PCDHGA1: variants seen among roughly 807,000 people sequenced by gnomAD.
The protein encoded by PCDHGA1 is protocadherin gamma subfamily A, 1, also known as protocadherin gamma-A1.
Under a neutral mutation model 58.0 loss-of-function variants are expected in PCDHGA1, and 32 were observed. The observed-to-expected ratio is 0.55, with a 90% confidence interval of 0.42 to 0.74. PCDHGA1 has a LOEUF of 0.74. Ranked by LOEUF, PCDHGA1 falls within the 30% of genes least tolerant of loss-of-function variation. PCDHGA1 has a pLI of 0.00. For synonymous variants in PCDHGA1, 498 were observed against 501.1 expected, an observed-to-expected ratio of 0.99 and a Z score of 0.08; for missense variants, 1,205 against 1,182.3, an observed-to-expected ratio of 1.02 and a Z score of -0.28.
At position 141,477,529 on chromosome 5, in the gene PCDHGA1, C is replaced by G; in HGVS notation, c.2422-17278C>G. ...ACGTTTACATTGAAGAAAACAACCT[C>G]CCCGGGGCTCCAATACTAAACCTAA... On this transcript the variant is annotated intron_variant, in intron 1 of 3. Transcript: ENST00000517417. The surrounding 1 kb of genome is among the most constrained non-coding windows in gnomAD (Gnocchi z 4.9). 6.2e-7 allele frequency: 1 copy of G among 1,614,172 alleles called. No homozygotes were observed. The highest frequency in any genetic ancestry group is 8.5e-7 in the Non-Finnish European group (1 of 1,180,032).
chr5:141,427,458 A>T (rs2097029342), intron 1 of PCDHGA1: 1 of 494,398 alleles, frequency 2.0e-6, no homozygotes, highest in African/African-American at 1.9e-5. Context: ...TCCTTTTAGA[A>T]TCGAATCTTC....
chr5:141,487,256 G>A lies in PCDHGA1; in HGVS notation c.2422-7551G>A. ...ATCTCGTCTAACCCTCTACTTGGCTGTGTCCCTAGTGGCAATTTGCTTTGT... is the reference window on the plus strand; with the variant it reads ...ATCTCGTCTAACCCTCTACTTGGCTATGTCCCTAGTGGCAATTTGCTTTGT... On this transcript the variant is annotated intron_variant, in intron 1 of 3. Transcript: ENST00000517417. The surrounding 1 kb of genome is among the most constrained non-coding windows in gnomAD (Gnocchi z 5.0). The A allele has an allele frequency of 6.2e-7, 1 of 1,614,166 alleles. No individual in the cohort carries two copies. The highest frequency in any genetic ancestry group is 8.5e-7 in the Non-Finnish European group (1 of 1,180,032).
chr5:141,493,440 G>A lies in PCDHGA1; in HGVS notation c.2422-1367G>A, dbSNP rs2099748297. The stretch of plus-strand genomic sequence containing the variant: ...TTTTGCTTCTGCTGGGATGGGGCAA[G>A]GGTGGGGTTCCTTCCCTTTTAGGAC... On this transcript the variant is annotated intron_variant, in intron 1 of 3. Coordinates refer to ENST00000517417, the MANE Select transcript of PCDHGA1 (RefSeq NM_018912.3). The surrounding 1 kb of genome is among the most constrained non-coding windows in gnomAD (Gnocchi z 4.3). Among the ~76,000 whole-genome samples, 1 of 152,208 alleles carries A rather than the reference G, an allele frequency of 6.6e-6. No homozygotes were observed. Among genetic ancestry groups the A allele is most frequent in the African/African-American group, 2.4e-5 (1 of 41,450 alleles).
intron 1 of PCDHGA1, among the ~76,000 whole-genome samples, chr5:141,473,329 G>A (rs2099319416): frequency 6.6e-6 from 1 of 152,212 alleles, no homozygotes; most frequent in Non-Finnish European, 1.5e-5. Context: ...TTAAGTGCCT[G>A]CTGTGCTAGA....
At chr5:141,450,549 C>T (rs1414500813) in intron 1 of PCDHGA1, among the ~76,000 whole-genome samples, 2 of 151,756 alleles carry the variant, frequency 1.3e-5, no homozygotes, top group Non-Finnish European at 2.9e-5. Context: ...TGCAGTGGCG[C>T]AGTCTCGGCT....
intron 1 of PCDHGA1, chr5:141,338,794 T>C: frequency 7.5e-7 from 1 of 1,334,808 alleles, no homozygotes; most frequent in Non-Finnish European, 9.5e-7. Flanking sequence ...CACAAGGGGG[T>C]GGAGGTTTGG....
Position 141,345,669 on chromosome 5 carries a change from G to C in PCDHGA1, c.2421+12564G>C, listed in dbSNP as rs757229307. ...CGGGAACCCTCCACTCAGCAGCAAC[G>C]TGTCGCTGAACCTGTTCGTGCTGGA... On this transcript the variant is annotated intron_variant, in intron 1 of 3. Transcript: ENST00000517417. 3 of 1,614,204 alleles carry C rather than the reference G, an allele frequency of 1.9e-6. No homozygotes were observed. In the Admixed American group the frequency reaches 5.0e-5, roughly 27 times the overall value.
At position 141,477,781 on chromosome 5, in the gene PCDHGA1, A is replaced by G; in HGVS notation, c.2422-17026A>G. 6.2e-7 allele frequency: 1 copy of G among 1,614,036 alleles called. No homozygotes were observed. Among genetic ancestry groups the G allele is most frequent in the South Asian group, 1.1e-5 (1 of 91,090 alleles). Reference sequence around the variant, plus strand: ...TAGCCACCAACATCAGCGTGAACATATTTGTCACTGATCGCAATGACAATG... The same window carrying G: ...TAGCCACCAACATCAGCGTGAACATGTTTGTCACTGATCGCAATGACAATG... On this transcript the variant is annotated intron_variant, in intron 1 of 3. Coordinates refer to ENST00000517417, the MANE Select transcript of PCDHGA1 (RefSeq NM_018912.3). The surrounding 1 kb of genome is among the most constrained non-coding windows in gnomAD (Gnocchi z 4.9).
chr5:141,384,464 A>G, intron 1 of PCDHGA1: 2 of 1,614,112 alleles, frequency 1.2e-6, no homozygotes, highest in Non-Finnish European at 1.7e-6. Context: ...TCCTTTGATT[A>G]TGAGCAGTTG....
At chr5:141,510,824 A>G (rs947400590) in intron 3 of PCDHGA1, 123 bp from the exon 4 acceptor site, 2 of 1,563,416 alleles carry the variant, frequency 1.3e-6, no homozygotes, top group Non-Finnish European at 1.7e-6. Flanking sequence ...CTATATTCCC[A>G]GTGCTCAGCG....
chr5:141,346,232 G>A (rs369304431), intron 1 of PCDHGA1: 18 of 1,614,170 alleles, frequency 1.1e-5, no homozygotes, highest in Non-Finnish European at 7.6e-6. Context: ...GCGGCTTGGC[G>A]AGTACGCCCG....
rs888457230 is a variant in PCDHGA1, at chr5:141,493,727, C to T, written c.2422-1080C>T. On this transcript the variant is annotated intron_variant, in intron 1 of 3. Transcript: ENST00000517417. This position sits in a 1 kb window ranked among gnomAD's most constrained non-coding sequence, Gnocchi z 4.3. ...TGGAATGCTAGGTTTCTGGGTTCTG[C>T]TCATATCACTGCCACCTGTGAGCCT... Among the ~76,000 whole-genome samples, 2 of 152,184 alleles carry T rather than the reference C, an allele frequency of 1.3e-5. No homozygotes were observed. Among genetic ancestry groups the T allele is most frequent in the Admixed American group, 6.5e-5 (1 of 15,280 alleles).
At position 141,334,459 on chromosome 5, in the gene PCDHGA1, C is replaced by T. The variant is rs12522664; in HGVS notation, c.2421+1354C>T. The T allele has an allele frequency of 0.099, 14,682 of 148,292 alleles. 1,001 individuals carry two copies. The highest frequency in any genetic ancestry group is 0.17 in the African/African-American group (6,944 of 40,650). The allele number at this position is 148,292 out of a possible 1,614,324, so 9.2% of individuals were successfully genotyped here. A position where few individuals can be genotyped will look rare whatever the true frequency, so the allele number is the denominator to read the frequency against. ...GGACAGGGCGGCCTGCGACTGTAGTCCCAGCTACGCGGGGCGGGGAGGGGC... is the reference window on the plus strand; with the variant it reads ...GGACAGGGCGGCCTGCGACTGTAGTTCCAGCTACGCGGGGCGGGGAGGGGC... On this transcript the variant is annotated intron_variant, in intron 1 of 3. Coordinates refer to ENST00000517417, the MANE Select transcript of PCDHGA1 (RefSeq NM_018912.3). This position sits in a 1 kb window ranked among gnomAD's most constrained non-coding sequence, Gnocchi z 4.6.
chr5:141,422,670 C>T, intron 1 of PCDHGA1: 1 of 1,607,244 alleles, frequency 6.2e-7, no homozygotes, highest in Non-Finnish European at 8.5e-7. Flanking sequence ...TCGACCCGGA[C>T]AGCAAACAGA....
intron 1 of PCDHGA1, among the ~76,000 whole-genome samples, chr5:141,481,426 A>T (rs1431602618): frequency 6.6e-6 from 1 of 152,238 alleles, no homozygotes; most frequent in Non-Finnish European, 1.5e-5. Context: ...TGTGATGATG[A>T]TTGTATCAGT....
Position 141,331,347 on chromosome 5 carries a change from C to T in PCDHGA1, c.663C>T (p.Val221=). 1 of 1,614,168 alleles carries T rather than the reference C, an allele frequency of 6.2e-7. No homozygotes were observed. Among genetic ancestry groups the T allele is most frequent in the Non-Finnish European group, 8.5e-7 (1 of 1,180,050 alleles). Residue 221 remains valine (V), a synonymous_variant, in exon 1 of 4, where the codon GTC becomes GTT. Transcript: ENST00000517417. ...ILTASDGGEP[V]RSGTLRIYIQ... ...CAGCTTCTGATGGGGGTGAACCAGTCCGTTCAGGGACCCTCAGAATTTACA... is the reference window on the plus strand; with the variant it reads ...CAGCTTCTGATGGGGGTGAACCAGTTCGTTCAGGGACCCTCAGAATTTACA...
intron 1 of PCDHGA1, among the ~76,000 whole-genome samples, chr5:141,354,452 G>T (rs1759546066): frequency 6.6e-6 from 1 of 152,160 alleles, no homozygotes; most frequent in Non-Finnish European, 1.5e-5. Flanking sequence ...TATCCTATTT[G>T]TCAATCTCAT....
chr5:141,389,873 C>T (rs767569258), intron 1 of PCDHGA1: 2 of 1,614,070 alleles, frequency 1.2e-6, no homozygotes, highest in Admixed American at 1.7e-5. Context: ...TGGTCTTCGC[C>T]GACAGCTTGC....
At chr5:141,495,292 C>T (rs74321313) in intron 2 of PCDHGA1, among the ~76,000 whole-genome samples, 8,567 of 152,256 alleles carry the variant, frequency 0.056, 526 homozygotes, top group African/African-American at 0.16. Context: ...CCGCACTCAG[C>T]GCCTCCTCCA....
Sources: allele counts gnomAD v4.1 joint callset (sites outside exome capture counted in the v4.1 genomes callset), GRCh38; gene constraint gnomAD v4.1.1; non-coding constraint Gnocchi (gnomAD v3.1); transcripts MANE v1.5; gene names NCBI Gene and HGNC (gene_info 2026-07-23, HGNC 2026-07-21).